Variants in PPEF1 observed in about 807,000 individuals in gnomAD.
The protein encoded by PPEF1 is serine/threonine-protein phosphatase with EF-hands 1.
PPEF1 carries 12 observed loss-of-function variants against 53.3 expected under a neutral mutation model. The observed-to-expected ratio is 0.23, with a 90% confidence interval of 0.14 to 0.36. The LOEUF (loss-of-function observed/expected upper bound fraction) is 0.36, where lower values mean the gene tolerates loss of function less well. Ranked by LOEUF, PPEF1 falls within the 10% of genes least tolerant of loss-of-function variation. The pLI is 1.00. For missense variants in PPEF1, 334 were observed against 490.4 expected, an observed-to-expected ratio of 0.68 and a Z score of 3.01; for synonymous variants, 165 against 176.7, an observed-to-expected ratio of 0.93 and a Z score of 0.52.
chrX:18,783,493 G>A (rs192046291), intron 8 of PPEF1, among the ~76,000 whole-genome samples: 1 of 110,839 alleles, frequency 9.0e-6, no homozygotes, highest in African/African-American at 3.3e-5. Context: ...CAAGGTGGGC[G>A]GATCACCTGA....
intron 6 of PPEF1, among the ~76,000 whole-genome samples, chrX:18,700,809 C>A (rs1930059908): frequency 8.9e-6 from 1 of 112,068 alleles, no homozygotes; most frequent in Non-Finnish European, 1.9e-5. Flanking sequence ...AGAAATCTTC[C>A]TTTAGTTCCC....
At chrX:18,824,658 A>G (rs2047130758) in intron 14 of PPEF1, among the ~76,000 whole-genome samples, 1 of 110,387 alleles carries the variant, frequency 9.1e-6, no homozygotes, top group Admixed American at 9.7e-5. Context: ...GAGATATGAC[A>G]TCCATGCTTT....
intron 6 of PPEF1, among the ~76,000 whole-genome samples, chrX:18,776,557 G>A (rs934677687): frequency 5.4e-5 from 6 of 111,497 alleles, no homozygotes; most frequent in Non-Finnish European, 7.5e-5. Context: ...TTTGATGAAC[G>A]ATAGCCTGTA....
chrX:18,744,933 G>T (rs971434899), intron 3 of PPEF1, among the ~76,000 whole-genome samples: 1 of 105,404 alleles, frequency 9.5e-6, no homozygotes, highest in Non-Finnish European at 1.9e-5. Context: ...GGCTTAGAAG[G>T]CAATCTCCCA....
chrX:18,750,041 A>T, intron 4 of PPEF1, 89 bp downstream of exon 4: 2 of 882,045 alleles, frequency 2.3e-6, no homozygotes, highest in Middle Eastern at 6.7e-4. Flanking sequence ...CACAGCAGAG[A>T]TGCATTTCTT....
At chrX:18,807,323 G>A (rs927920003) in intron 12 of PPEF1, among the ~76,000 whole-genome samples, 3 of 111,939 alleles carry the variant, frequency 2.7e-5, no homozygotes, top group South Asian at 3.8e-4. Flanking sequence ...GAGCCACTGC[G>A]CCCGGTCTAA....
chrX:18,770,337 C>T (rs2045849386), intron 6 of PPEF1, among the ~76,000 whole-genome samples: 1 of 111,523 alleles, frequency 9.0e-6, no homozygotes, highest in South Asian at 3.8e-4. Flanking sequence ...ACGACTAATC[C>T]TGGAACAACA....
In PPEF1 at chrX:18,827,473, A is replaced by G; in HGVS notation, c.1948A>G (p.Thr650Ala). Residue 650 changes from threonine to alanine, a missense_variant, in exon 16 of 16, where the codon ACC (threonine) becomes GCC (alanine). Transcript: ENST00000470157. ...RYEDLMKPDV[T>A]NLG The stretch of plus-strand genomic sequence containing the variant: ...TGAAGACTTGATGAAACCTGATGTC[A>G]CCAACCTTGGCTAAACACAAATGAG... 8.3e-7 allele frequency: 1 copy of G among 1,208,519 alleles called. No homozygotes were observed. Among genetic ancestry groups the G allele is most frequent in the Non-Finnish European group, 1.1e-6 (1 of 893,271 alleles).
intron 6 of PPEF1, among the ~76,000 whole-genome samples, chrX:18,770,481 C>G (rs913649345): frequency 2.7e-5 from 3 of 111,477 alleles, no homozygotes; most frequent in Non-Finnish European, 5.6e-5. Flanking sequence ...GACATACTCT[C>G]TTGAATGAGC....
chrX:18,825,780 C>T lies in PPEF1; in HGVS notation c.1695C>T (p.Tyr565=). ...ATTCTACTCTAGTTGAAACTCTGTA[C>T]AGATACAGATCTGACCTGGAAATCA... ...EAHSTLVETL[Y]RYRSDLEIIF... Residue 565 remains tyrosine, a synonymous_variant, in exon 15 of 16, where the codon TAC becomes TAT. Coordinates refer to ENST00000470157, the MANE Select transcript of PPEF1 (RefSeq NM_001377996.1). The T allele has an allele frequency of 1.7e-6, 2 of 1,201,648 alleles. No homozygotes were observed. Among genetic ancestry groups the T allele is most frequent in the South Asian group, 1.8e-5 (1 of 55,085 alleles).
In PPEF1 at chrX:18,698,408, G is replaced by GT. The variant is rs1447642694; in HGVS notation, c.-226+485dup. 1.7e-4 allele frequency among the ~76,000 whole-genome samples: 19 copies of GT among 111,822 alleles called. 1 individual carries two copies. The highest frequency in any genetic ancestry group is 5.2e-4 in the African/African-American group (16 of 30,847). ...ATTAAAATAACAACCTAAATCATGA[G>GT]TTTTTTTTCCCTGCTTTCCTTTCTT... is the stretch of plus-strand genomic sequence containing the variant. On this transcript the variant is annotated intron_variant, in intron 5 of 21. Transcript: ENST00000361511.
intron 1 of PPEF1, among the ~76,000 whole-genome samples, chrX:18,727,683 AC>A (rs1167034282): frequency 1.8e-5 from 2 of 110,165 alleles, no homozygotes; most frequent in Non-Finnish European, 3.8e-5. Flanking sequence ...TACCCACCCC[AC>A]CCCAACACCA....
chrX:18,680,180 T>G (rs1402832637), upstream of PPEF1, among the ~76,000 whole-genome samples: 1 of 109,837 alleles, frequency 9.1e-6, no homozygotes, highest in African/African-American at 3.3e-5. Flanking sequence ...TCAGTTACAC[T>G]AGGCCTCTCC....
At position 18,806,562 on chromosome X, in the gene PPEF1, G is replaced by A. The variant is rs748528675; in HGVS notation, c.1394+17G>A. The A allele has an allele frequency of 1.8e-5, 21 of 1,180,376 alleles. No individual in the cohort carries two copies. The highest frequency in any genetic ancestry group is 3.0e-5 in the East Asian group (1 of 33,421). Reference sequence around the variant, plus strand: ...TCGCCAAAGGTGTGTATACTATACCGAGAGTGCTGAGCACTGGTATCACGG... The same window carrying A: ...TCGCCAAAGGTGTGTATACTATACCAAGAGTGCTGAGCACTGGTATCACGG... On this transcript the variant is annotated intron_variant, in intron 12 of 15. Coordinates refer to ENST00000470157, the MANE Select transcript of PPEF1 (RefSeq NM_001377996.1).
upstream of PPEF1, among the ~76,000 whole-genome samples, chrX:18,680,489 C>CG (rs1298567694): frequency 1.9e-4 from 17 of 91,226 alleles, no homozygotes; most frequent in Non-Finnish European, 3.1e-4. Context: ...AGTGCAATGG[C>CG]GTGATCTCGG....
chrX:18,802,325 G>A (rs912876808), intron 10 of PPEF1, among the ~76,000 whole-genome samples: 1 of 111,235 alleles, frequency 9.0e-6, no homozygotes, highest in African/African-American at 3.3e-5. Context: ...TCCTGACTCA[G>A]CCTCCCAAAG....
chrX:18,786,158 A>G (rs1160900502), intron 9 of PPEF1, among the ~76,000 whole-genome samples: 1 of 111,488 alleles, frequency 9.0e-6, no homozygotes, highest in Non-Finnish European at 1.9e-5. Context: ...GCCTCTTCCA[A>G]TTGACCAGAT....
intron 13 of PPEF1, among the ~76,000 whole-genome samples, chrX:18,821,782 AGAGAGAGAGAGAGAGAGAG>A (rs1569273812): frequency 3.8e-5 from 4 of 104,294 alleles, no homozygotes; most frequent in African/African-American, 1.4e-4. Context: ...AGAGAGAGAG[AGAGAGAGAGAGAGAGAGAG>A]AGAAAACAAA....
intron 10 of PPEF1, among the ~76,000 whole-genome samples, chrX:18,797,349 C>T (rs2046452354): frequency 2.7e-5 from 3 of 111,710 alleles, no homozygotes; most frequent in African/African-American, 9.8e-5. Flanking sequence ...TTTAAATTTT[C>T]CCTTATGTTC....
Sources: allele counts gnomAD v4.1 joint callset (sites outside exome capture counted in the v4.1 genomes callset), GRCh38; gene constraint gnomAD v4.1.1; transcripts MANE v1.5; gene names NCBI Gene and HGNC (gene_info 2026-07-23, HGNC 2026-07-21).